Variants in NRP2 observed in about 807,000 individuals in gnomAD.
NRP2 encodes the protein neuropilin 2, also known as neuropilin-2.
NRP2 carries 52 observed loss-of-function variants against 110.4 expected under a neutral mutation model. That is an observed-to-expected ratio of 0.47 (90% CI 0.38 to 0.59). The LOEUF is 0.59. Ranked by LOEUF, NRP2 falls within the 20% of genes least tolerant of loss-of-function variation. The pLI, the probability that NRP2 is intolerant of heterozygous loss-of-function variation, is 0.00. For synonymous variants in NRP2, 508 were observed against 468.9 expected (o/e 1.08, Z -1.08); for missense variants, 1,049 against 1,203.0 (o/e 0.87, Z 1.89).
intron 2 of NRP2, among the ~76,000 whole-genome samples, chr2:205,715,635 CAG>C (rs1206301026): frequency 6.6e-6 from 1 of 152,122 alleles, no homozygotes; most frequent in African/African-American, 2.4e-5. Flanking sequence ...AAAATTGAAA[CAG>C]GGGGCTGGAG....
At chr2:205,706,778 G>A (rs2056687120) in intron 2 of NRP2, among the ~76,000 whole-genome samples, 1 of 152,096 alleles carries the variant, frequency 6.6e-6, no homozygotes, top group South Asian at 2.1e-4. Flanking sequence ...ATCTTCTTGG[G>A]GGCCTTTTCT....
At position 205,685,020 on chromosome 2, in the gene NRP2, C is replaced by T. The variant is rs1286943025; in HGVS notation, c.73+1657C>T. On this transcript the variant is annotated intron_variant, in intron 1 of 16. Coordinates refer to ENST00000357785, the MANE Select transcript of NRP2 (RefSeq NM_003872.3). ...TTCAGGTTCCGTGTGCTGTGCGGAG[C>T]GGGAGGGGTCGTGAAGACTCAGGGG... Among the ~76,000 whole-genome samples the T allele has an allele frequency of 2.6e-5, 4 of 152,300 alleles. No individual in the cohort carries two copies. The East Asian group carries it at 5.8e-4, about 22-fold the overall frequency.
intron 14 of NRP2, among the ~76,000 whole-genome samples, chr2:205,766,254 G>C (rs2057915511): frequency 6.6e-6 from 1 of 152,178 alleles, no homozygotes; most frequent in Admixed American, 6.5e-5. Flanking sequence ...GGTCACCCTG[G>C]CTGTGTCCCA....
intron 15 of NRP2, among the ~76,000 whole-genome samples, chr2:205,768,810 G>A (rs912649459): frequency 1.3e-5 from 2 of 152,162 alleles, no homozygotes; most frequent in African/African-American, 4.8e-5. Context: ...AGCATCTTTG[G>A]GAAGAAGAAA....
chr2:205,724,338 A>G (rs1364693171), intron 5 of NRP2, among the ~76,000 whole-genome samples: 2 of 152,144 alleles, frequency 1.3e-5, no homozygotes, highest in Admixed American at 6.5e-5. Flanking sequence ...CTCAGGGGCA[A>G]TTGTCACAAA....
chr2:205,731,545 G>C (rs554268152), intron 7 of NRP2, among the ~76,000 whole-genome samples: 70 of 152,256 alleles, frequency 4.6e-4, no homozygotes, highest in African/African-American at 1.7e-3. Context: ...GACAGGACAC[G>C]GGGGAGAGAG....
chr2:205,793,629 G>T (rs1021589515), intron 16 of NRP2, among the ~76,000 whole-genome samples: 1 of 152,132 alleles, frequency 6.6e-6, no homozygotes, highest in African/African-American at 2.4e-5. Context: ...TGTCTCCTTG[G>T]CTTGGAGATG....
At chr2:205,727,478 G>A (rs2057149716) in intron 6 of NRP2, among the ~76,000 whole-genome samples, 1 of 152,116 alleles carries the variant, frequency 6.6e-6, no homozygotes, top group Non-Finnish European at 1.5e-5. Flanking sequence ...TTGGAACTAG[G>A]GCATTATAAG....
chr2:205,716,372 CA>C lies in NRP2; in HGVS notation c.432del (p.Gly145AlafsTer48). The C allele has an allele frequency of 1.9e-6, 3 of 1,613,838 alleles. No individual in the cohort carries two copies. The highest frequency in any genetic ancestry group is 2.5e-6 in the Non-Finnish European group (3 of 1,180,030). On this transcript the variant is annotated frameshift_variant and splice_region_variant, in exon 3 of 17. Coordinates refer to ENST00000357785, the MANE Select transcript of NRP2 (RefSeq NM_003872.3). LOFTEE classifies it high-confidence loss of function. ...GFSLRYEIFK[T>X]GSEDCSKNFT... ...TCTCTGCGCTACGAGATCTTCAAGA[CA>C]GGTCAGTGTGGTCACACGTAGGGGC...
intron 2 of NRP2, among the ~76,000 whole-genome samples, chr2:205,713,641 T>C (rs1291696867): frequency 6.6e-6 from 1 of 152,208 alleles, no homozygotes; most frequent in African/African-American, 2.4e-5. Context: ...AAGTTAACAG[T>C]ATAGCGTGAA....
intron 7 of NRP2, among the ~76,000 whole-genome samples, chr2:205,738,005 A>G (rs1047945365): frequency 6.6e-6 from 1 of 152,222 alleles, no homozygotes; most frequent in Non-Finnish European, 1.5e-5. Flanking sequence ...CAAATACACA[A>G]TCATTTACTC....
chr2:205,794,251 C>A (rs968321548), intron 16 of NRP2, among the ~76,000 whole-genome samples: 1 of 152,156 alleles, frequency 6.6e-6, no homozygotes, highest in Non-Finnish European at 1.5e-5. Context: ...GCTGGGACTA[C>A]AGGCGCCCGC....
rs1575591462 is a variant in NRP2 at position 205,725,797 on chromosome 2, C to A, written c.821-116C>A. 4.9e-6 allele frequency: 5 copies of A among 1,011,160 alleles called. No individual in the cohort carries two copies. Among genetic ancestry groups the A allele is most frequent in the East Asian group, 4.8e-5 (2 of 41,622 alleles). 62.6% of individuals were successfully genotyped at this position (1,011,160 alleles called of 1,614,324 possible). Reference sequence around the variant, plus strand: ...TAAAATGTGAGCATATAATTAGGGTCTTTTAAATGAGGAAGTGCCTGCAAG... The same window carrying A: ...TAAAATGTGAGCATATAATTAGGGTATTTTAAATGAGGAAGTGCCTGCAAG... On this transcript the variant is annotated intron_variant, in intron 5 of 16. Transcript: ENST00000357785. This position sits in a 1 kb window ranked among gnomAD's most constrained non-coding sequence, Gnocchi z 4.1.
At position 205,752,816 on chromosome 2, in the gene NRP2, T is replaced by C. The variant is rs1465853343; in HGVS notation, c.1904-19T>C. The stretch of plus-strand genomic sequence containing the variant: ...CCATTTCATTTGCCTTCCTTTGGGT[T>C]ATTGTTTTCCCCTTTTAGACAAAGA... On this transcript the variant is annotated intron_variant, in intron 11 of 16. Coordinates refer to ENST00000357785, the MANE Select transcript of NRP2 (RefSeq NM_003872.3). 1 of 1,613,870 alleles carries C rather than the reference T, an allele frequency of 6.2e-7. No individual in the cohort carries two copies. The highest frequency in any genetic ancestry group is 1.3e-5 in the African/African-American group (1 of 74,954).
chr2:205,686,246 A>AC lies in NRP2; in HGVS notation c.73+2888dup. ...TCCTCCTCCTCCTCCTCCTAAGGAC[A>AC]CCCCCAGGGAAAAGCCTGCGGCATT... is the stretch of plus-strand genomic sequence containing the variant. On this transcript the variant is annotated intron_variant, in intron 1 of 16. Coordinates refer to ENST00000357785, the MANE Select transcript of NRP2 (RefSeq NM_003872.3). This position sits in a 1 kb window ranked among gnomAD's most constrained non-coding sequence, Gnocchi z 4.7. Among the ~76,000 whole-genome samples, 1 of 151,778 alleles carries AC rather than the reference A, an allele frequency of 6.6e-6. No individual in the cohort carries two copies.
At chr2:205,774,079 G>T (rs537768016) in intron 15 of NRP2, among the ~76,000 whole-genome samples, 3 of 152,208 alleles carry the variant, frequency 2.0e-5, no homozygotes, top group Admixed American at 6.5e-5. Context: ...AACTCTGGGG[G>T]CATCCCTTAA....
rs774434364 is a variant in NRP2, at chr2:205,743,558, C to T, written c.1641+6C>T. 4.3e-6 allele frequency: 7 copies of T among 1,613,900 alleles called. No homozygotes were observed. In the South Asian group the frequency reaches 7.7e-5, roughly 18 times the overall value. On this transcript the variant is annotated splice_donor_region_variant and intron_variant, in intron 9 of 16. Coordinates refer to ENST00000357785, the MANE Select transcript of NRP2 (RefSeq NM_003872.3). ...CCAGGACCCAGCAGCCAAAGGTAGG[C>T]TGTTCTTGGAGGCCTCTGTAACGTT...
chr2:205,772,725 C>T (rs527554797), intron 15 of NRP2, among the ~76,000 whole-genome samples: 2 of 152,330 alleles, frequency 1.3e-5, no homozygotes, highest in Admixed American at 6.5e-5. Flanking sequence ...CCCACCTAGC[C>T]CAGGCTCCTT....
intron 3 of NRP2, among the ~76,000 whole-genome samples, chr2:205,716,846 G>T (rs1257781000): frequency 1.3e-5 from 2 of 152,114 alleles, no homozygotes; most frequent in African/African-American, 4.8e-5. Flanking sequence ...TCACACCATA[G>T]CTTTTAAATT....
Sources: allele counts gnomAD v4.1 joint callset (sites outside exome capture counted in the v4.1 genomes callset), GRCh38; gene constraint gnomAD v4.1.1; non-coding constraint Gnocchi (gnomAD v3.1); transcripts MANE v1.5; gene names NCBI Gene and HGNC (gene_info 2026-07-23, HGNC 2026-07-21).